The following CPEB3 variants were observed in gnomAD, a reference collection of about 807,000 sequenced individuals.
The protein encoded by CPEB3 is cytoplasmic polyadenylation element-binding protein 3.
In CPEB3, 20 loss-of-function variants were observed where a neutral mutation model predicts 67.2. The observed-to-expected ratio is 0.30, with a 90% CI of 0.21 to 0.43. CPEB3 has a LOEUF of 0.43. Ranked by LOEUF, CPEB3 falls within the 20% of genes least tolerant of loss-of-function variation. The pLI is 1.00. For missense variants in CPEB3, 746 were observed against 968.6 expected (o/e 0.77, Z 3.05); for synonymous variants, 376 against 393.1 (o/e 0.96, Z 0.51).
chr10:92,225,156 G>A (rs562630596), intron 2 of CPEB3, among the ~76,000 whole-genome samples: 1 of 151,952 alleles, frequency 6.6e-6, no homozygotes, highest in East Asian at 1.9e-4. Context: ...TGTATTTTTA[G>A]TAGAGATGGG....
At chr10:92,178,726 A>G (rs1848335600) in intron 4 of CPEB3, among the ~76,000 whole-genome samples, 1 of 152,156 alleles carries the variant, frequency 6.6e-6, no homozygotes, top group African/African-American at 2.4e-5. Context: ...CAAAAATAAT[A>G]GATAGGTGTG....
chr10:92,283,627 G>C (rs1842395135), intron 1 of CPEB3, among the ~76,000 whole-genome samples: 1 of 152,022 alleles, frequency 6.6e-6, no homozygotes, highest in Non-Finnish European at 1.5e-5. Context: ...AAAATTTCCA[G>C]GGCAGTTCTC....
intron 2 of CPEB3, 110 bp from the exon 3 acceptor site, chr10:92,192,746 G>C (rs997300746): frequency 2.9e-6 from 2 of 693,384 alleles, no homozygotes; most frequent in Non-Finnish European, 4.5e-6. Context: ...GTTACAGAGA[G>C]CCCCAACAGC....
At chr10:92,152,783 A>G (rs559747983) in intron 4 of CPEB3, among the ~76,000 whole-genome samples, 2 of 152,312 alleles carry the variant, frequency 1.3e-5, no homozygotes, top group South Asian at 4.1e-4. Flanking sequence ...TTTTCTGCCT[A>G]GTATTTATCA....
At chr10:92,104,379 CTT>C (rs397845791) in intron 7 of CPEB3, among the ~76,000 whole-genome samples, 34,103 of 126,488 alleles carry the variant, frequency 0.27, 4,093 homozygotes, top group Admixed American at 0.34. Context: ...GGAAATGCAA[CTT>C]TTTTTTTTTT....
intron 4 of CPEB3, among the ~76,000 whole-genome samples, chr10:92,150,588 C>T (rs951324405): frequency 1.3e-5 from 2 of 152,132 alleles, no homozygotes; most frequent in South Asian, 4.1e-4. Flanking sequence ...TTCATGCATT[C>T]ATTTGATTGG....
At chr10:92,169,993 T>C (rs567258063) in intron 4 of CPEB3, among the ~76,000 whole-genome samples, 1 of 152,306 alleles carries the variant, frequency 6.6e-6, no homozygotes, top group East Asian at 1.9e-4. Flanking sequence ...CACTATTCCA[T>C]ATAACAGACC....
rs1389158449 is a variant in CPEB3, at chr10:92,052,167, T to C, written c.*45A>G. 2.9e-6 allele frequency: 4 copies of C among 1,383,708 alleles called. No homozygotes were observed. The African/African-American group carries it at 5.7e-5, about 20-fold the overall frequency. The allele number at this position is 1,383,708 out of a possible 1,614,324, so 85.7% of individuals were successfully genotyped here. On this transcript the variant is annotated 3_prime_UTR_variant, in exon 10 of 10. Coordinates refer to ENST00000265997, the MANE Select transcript of CPEB3 (RefSeq NM_014912.5). ...CTGAGGCAGTGCCCTCTCTTTTCCCTCCTTGTTATCTACTCCAGTACTTGT... is the reference window on the plus strand; with the variant it reads ...CTGAGGCAGTGCCCTCTCTTTTCCCCCCTTGTTATCTACTCCAGTACTTGT...
intron 6 of CPEB3, among the ~76,000 whole-genome samples, chr10:92,124,205 C>T (rs983026933): frequency 1.3e-5 from 2 of 152,192 alleles, no homozygotes; most frequent in Non-Finnish European, 1.5e-5. Context: ...ACTTAGGTGA[C>T]CTTGAACAAG....
chr10:92,185,491 T>C (rs768888503), intron 3 of CPEB3, among the ~76,000 whole-genome samples: 30 of 152,154 alleles, frequency 2.0e-4, no homozygotes, highest in Non-Finnish European at 2.8e-4. Flanking sequence ...AAAAAAACTA[T>C]GTCTATCATG....
At chr10:92,114,704 G>A (rs1477525773) in intron 6 of CPEB3, among the ~76,000 whole-genome samples, 2 of 152,150 alleles carry the variant, frequency 1.3e-5, no homozygotes, top group African/African-American at 2.4e-5. Context: ...GTGATTAAGC[G>A]ACTTGTTCAA....
Position 92,278,694 on chromosome 10 carries a change from G to A in CPEB3, c.-12+12232C>T, listed in dbSNP as rs1299637117. Among the ~76,000 whole-genome samples, 12 of 148,754 alleles carry A rather than the reference G, an allele frequency of 8.1e-5. 1 individual carries two copies. The highest frequency in any genetic ancestry group is 2.8e-4 in the African/African-American group (11 of 39,852). ...TGGCTCACTGTAACCTCCACCTCCC[G>A]GGTTCAAGCCATTCTCCTGGCTCAG... is the stretch of plus-strand genomic sequence containing the variant. On this transcript the variant is annotated intron_variant, in intron 1 of 9. Coordinates refer to ENST00000265997, the MANE Select transcript of CPEB3 (RefSeq NM_014912.5).
chr10:92,109,099 T>C (rs1040481702), intron 7 of CPEB3, among the ~76,000 whole-genome samples: 4 of 152,218 alleles, frequency 2.6e-5, no homozygotes, highest in South Asian at 2.1e-4. Context: ...TGCCTTTTTA[T>C]GTAGAAAAAT....
Position 92,240,245 on chromosome 10 carries a change from G to C in CPEB3, c.106C>G (p.Pro36Ala). The C allele has an allele frequency of 2.0e-6, 3 of 1,512,742 alleles. No homozygotes were observed. Among genetic ancestry groups the C allele is most frequent in the Non-Finnish European group, 2.7e-6 (3 of 1,128,638 alleles). The allele number at this position is 1,512,742 out of a possible 1,614,324, so 93.7% of individuals were successfully genotyped here. The change falls in exon 2 of 10, where the codon CCG becomes GCG. Residue 36 changes from proline to alanine, a missense_variant. By Grantham distance (27) the Pro-to-Ala change is conservative (BLOSUM62 -1). Coordinates refer to ENST00000265997, the MANE Select transcript of CPEB3 (RefSeq NM_014912.5). ...PQPESSVSEA[P>A]STPLSSETPK... is the part of the protein sequence containing the mutation. The stretch of plus-strand genomic sequence containing the variant: ...GTCTCTGAGGAGAGGGGCGTGGACG[G>C]GGCTTCGGATACGCTGGACTCAGGT...
At chr10:92,185,901 T>C (rs1848666040) in intron 3 of CPEB3, among the ~76,000 whole-genome samples, 1 of 152,222 alleles carries the variant, frequency 6.6e-6, no homozygotes, top group Non-Finnish European at 1.5e-5. Flanking sequence ...AAAACTTTGA[T>C]ACTAAAATAT....
chr10:92,203,743 A>G (rs1460874714), intron 2 of CPEB3, among the ~76,000 whole-genome samples: 1 of 152,016 alleles, frequency 6.6e-6, no homozygotes, highest in East Asian at 1.9e-4. Context: ...GAAGGAAGGC[A>G]AAGTCTTGAC....
chr10:92,070,867 A>C (rs1049895588), intron 9 of CPEB3, among the ~76,000 whole-genome samples: 1 of 151,944 alleles, frequency 6.6e-6, no homozygotes, highest in African/African-American at 2.4e-5. Context: ...AAAAAAAAAA[A>C]AACTCAAATA....
intron 1 of CPEB3, among the ~76,000 whole-genome samples, chr10:92,267,077 G>GA (rs1190272210): frequency 2.6e-5 from 4 of 152,114 alleles, no homozygotes; most frequent in Admixed American, 2.6e-4. Flanking sequence ...TTGACTAGAT[G>GA]AAACGTGAAT....
intron 4 of CPEB3, among the ~76,000 whole-genome samples, chr10:92,150,283 G>A (rs1364283365): frequency 6.6e-6 from 1 of 151,082 alleles, no homozygotes; most frequent in African/African-American, 2.4e-5. Flanking sequence ...ATAGAGATGG[G>A]GTCTCACTAG....
Sources: allele counts gnomAD v4.1 joint callset (sites outside exome capture counted in the v4.1 genomes callset), GRCh38; gene constraint gnomAD v4.1.1; transcripts MANE v1.5; gene names NCBI Gene and HGNC (gene_info 2026-07-23, HGNC 2026-07-21).